Variants in LRRC49 observed in about 807,000 individuals in gnomAD.
LRRC49 encodes the protein leucine rich repeat containing 49.
Under a neutral mutation model 83.3 loss-of-function variants are expected in LRRC49, and 50 were observed. The ratio of observed to expected loss-of-function variants is 0.60; its 90% CI spans 0.48 to 0.76. The LOEUF is 0.76. Ranked by LOEUF, LRRC49 falls within the 30% of genes least tolerant of loss-of-function variation. The pLI, the probability that LRRC49 is intolerant of heterozygous loss-of-function variation, is 0.00. For synonymous variants in LRRC49, 286 were observed against 283.3 expected (o/e 1.01, Z -0.10); for missense variants, 704 against 809.1 (o/e 0.87, Z 1.58).
Position 71,028,029 on chromosome 15 carries a change from C to G in LRRC49, c.1704-9150C>G, listed in dbSNP as rs117925968. 3.1e-3 allele frequency among the ~76,000 whole-genome samples: 476 copies of G among 152,274 alleles called. 2 individuals are homozygous for G. Among genetic ancestry groups the G allele is most frequent in the Non-Finnish European group, 3.8e-3 (257 of 68,034 alleles). On this transcript the variant is annotated intron_variant, in intron 14 of 15. Transcript: ENST00000260382. ...GGCATCCTTGTCTCGTTACAGTTAT[C>G]AAAGGGAATGCTTCCAGCTTTTGCC...
In LRRC49 at chr15:71,052,806, T is replaced by G. The variant is rs772854566; in HGVS notation, c.*3194T>G. On this transcript the variant is annotated 3_prime_UTR_variant, in exon 16 of 16. Coordinates refer to ENST00000260382, the MANE Select transcript of LRRC49 (RefSeq NM_017691.5). ...ATTTCAACCAATAAATAGTAGACAGTACCCACATTCACTGTTAGTCTTAAG... is the reference window on the plus strand; with the variant it reads ...ATTTCAACCAATAAATAGTAGACAGGACCCACATTCACTGTTAGTCTTAAG... 6.6e-6 allele frequency: 1 copy of G among 152,200 alleles called. No individual in the cohort carries two copies. Among genetic ancestry groups the G allele is most frequent in the East Asian group, 1.9e-4 (1 of 5,196 alleles). 9.4% of individuals were successfully genotyped at this position (152,200 alleles called of 1,614,324 possible).
chr15:70,855,322 G>A (rs558941055), intron 1 of LRRC49, among the ~76,000 whole-genome samples: 10 of 139,152 alleles, frequency 7.2e-5, no homozygotes, highest in South Asian at 2.3e-4. Context: ...GCAACAGAGC[G>A]AGACTCCGTC....
chr15:70,997,964 CT>C (rs34736959), intron 11 of LRRC49, among the ~76,000 whole-genome samples: 1 of 151,970 alleles, frequency 6.6e-6, no homozygotes, highest in Non-Finnish European at 1.5e-5. Context: ...TTTCTTGTTC[CT>C]TTTACCATAC....
chr15:71,000,083 G>A (rs1555438938), intron 11 of LRRC49, among the ~76,000 whole-genome samples: 1 of 152,230 alleles, frequency 6.6e-6, no homozygotes, highest in Non-Finnish European at 1.5e-5. Flanking sequence ...GGGGAGTGGG[G>A]AATGGTAACA....
chr15:71,045,810 T>C (rs2039837539), intron 15 of LRRC49, among the ~76,000 whole-genome samples: 2 of 152,280 alleles, frequency 1.3e-5, no homozygotes, highest in South Asian at 4.1e-4. Flanking sequence ...ACTCTAGTAA[T>C]GAGCACAGTA....
chr15:70,862,674 C>T (rs1256962975), intron 1 of LRRC49, among the ~76,000 whole-genome samples: 1 of 151,348 alleles, frequency 6.6e-6, no homozygotes, highest in Non-Finnish European at 1.5e-5. Flanking sequence ...ACCTAGCTTT[C>T]AAAGCTCCCA....
chr15:70,989,363 C>A (rs1421724645), intron 11 of LRRC49, among the ~76,000 whole-genome samples: 1 of 152,122 alleles, frequency 6.6e-6, no homozygotes, highest in East Asian at 1.9e-4. Context: ...AACTTCCCTT[C>A]TTGCTTCATT....
intron 15 of LRRC49, among the ~76,000 whole-genome samples, chr15:71,044,606 T>C (rs1038078786): frequency 2.6e-5 from 4 of 152,018 alleles, no homozygotes; most frequent in Admixed American, 2.0e-4. Context: ...CTAGGCAACA[T>C]GGCAAAGCCA....
rs560531740 is a variant in LRRC49, at chr15:70,987,000, G to A, written c.1169+2743G>A. ...GGGATGAAGCCCACTTGATCATGGTGGATAAGCTTTTTGATGTGCTGCTGG... is the reference window on the plus strand; with the variant it reads ...GGGATGAAGCCCACTTGATCATGGTAGATAAGCTTTTTGATGTGCTGCTGG... On this transcript the variant is annotated intron_variant, in intron 11 of 15. Coordinates refer to ENST00000260382, the MANE Select transcript of LRRC49 (RefSeq NM_017691.5). 1.8e-3 allele frequency among the ~76,000 whole-genome samples: 274 copies of A among 152,268 alleles called. 1 individual carries two copies. Among genetic ancestry groups the A allele is most frequent in the African/African-American group, 6.4e-3 (265 of 41,546 alleles).
rs1236996728 is a variant in LRRC49 at position 70,987,885 on chromosome 15, T to C, written c.1169+3628T>C. ...AACATCTTTATTTCTGCCTTCATTT[T>C]GTTATGTACCTAGTAGTCAATCAGG... On this transcript the variant is annotated intron_variant, in intron 11 of 15. Transcript: ENST00000260382. 1.1e-4 allele frequency among the ~76,000 whole-genome samples: 17 copies of C among 152,290 alleles called. No homozygotes were observed. The South Asian group carries it at 2.5e-3, about 22-fold the overall frequency.
upstream of LRRC49, chr15:70,891,792 G>A: frequency 6.9e-7 from 1 of 1,441,480 alleles, no homozygotes. Context: ...AAGTGGAGGA[G>A]CCCAGCCAGA....
intron 14 of LRRC49, among the ~76,000 whole-genome samples, chr15:71,020,694 A>G (rs1365662572): frequency 6.6e-6 from 1 of 152,236 alleles, no homozygotes; most frequent in Non-Finnish European, 1.5e-5. Context: ...GAAATTACCA[A>G]CCTAGAATTC....
intron 14 of LRRC49, among the ~76,000 whole-genome samples, chr15:71,013,198 T>C (rs949814183): frequency 2.0e-5 from 3 of 152,128 alleles, no homozygotes; most frequent in Admixed American, 2.0e-4. Flanking sequence ...GGAATAACAC[T>C]GGGGAAGGCT....
rs1161699204 is a variant in LRRC49, at chr15:71,052,337, C to G, written c.*2725C>G. On this transcript the variant is annotated 3_prime_UTR_variant, in exon 16 of 16. Transcript: ENST00000260382. ...CTCAAAAGCAGAAACATTTAGTACC[C>G]CCATTTAGGGAGATACTGTACCCGA... 3 of 152,116 alleles carry G rather than the reference C, an allele frequency of 2.0e-5. No homozygotes were observed. Among genetic ancestry groups the G allele is most frequent in the African/African-American group, 7.2e-5 (3 of 41,404 alleles). 9.4% of individuals were successfully genotyped at this position (152,116 alleles called of 1,614,324 possible). A position where few individuals can be genotyped will look rare whatever the true frequency, so the allele number is the denominator to read the frequency against.
intron 2 of LRRC49, chr15:70,894,845 T>C (rs2033762436): frequency 5.3e-6 from 1 of 189,428 alleles, no homozygotes; most frequent in South Asian, 9.3e-5. Context: ...ATGAAAATGG[T>C]AAACACTCAG....
At chr15:70,931,824 A>G (rs1291633908) in intron 7 of LRRC49, among the ~76,000 whole-genome samples, 1 of 152,164 alleles carries the variant, frequency 6.6e-6, no homozygotes, top group East Asian at 1.9e-4. Flanking sequence ...GTGTCCTTCT[A>G]GACAGTTTTG....
In LRRC49 at chr15:70,941,772, CATT is replaced by C. The variant is rs200911164; in HGVS notation, c.773+4953_773+4955del. On this transcript the variant is annotated intron_variant, in intron 8 of 15. Transcript: ENST00000260382. Reference sequence around the variant, plus strand: ...ATACTCTCATGGATTTTATTTATAACATTATAAAGTGGAGAGTGCTACCGTGTA... The same window carrying C: ...ATACTCTCATGGATTTTATTTATAACATAAAGTGGAGAGTGCTACCGTGTA... Among the ~76,000 whole-genome samples the C allele has an allele frequency of 8.6e-3, 1,316 of 152,206 alleles. 23 individuals carry two copies. The highest frequency in any genetic ancestry group is 0.029 in the African/African-American group (1,216 of 41,516).
At chr15:70,963,565 TA>T (rs1356216535) in intron 8 of LRRC49, among the ~76,000 whole-genome samples, 1 of 152,140 alleles carries the variant, frequency 6.6e-6, no homozygotes, top group Non-Finnish European at 1.5e-5. Flanking sequence ...CTTTAGCTAC[TA>T]AGAATATGTT....
At chr15:71,022,055 A>G (rs1005921688) in intron 14 of LRRC49, among the ~76,000 whole-genome samples, 1 of 152,174 alleles carries the variant, frequency 6.6e-6, no homozygotes, top group Non-Finnish European at 1.5e-5. Flanking sequence ...GATAAAATGC[A>G]AATATATTAA....
Sources: allele counts gnomAD v4.1 joint callset (sites outside exome capture counted in the v4.1 genomes callset), GRCh38; gene constraint gnomAD v4.1.1; transcripts MANE v1.5; gene names NCBI Gene and HGNC (gene_info 2026-07-23, HGNC 2026-07-21).